ATP1A4: variants seen among roughly 807,000 people sequenced by gnomAD.
ATP1A4 encodes the protein sodium/potassium-transporting ATPase subunit alpha-4.
Under a neutral mutation model 114.3 loss-of-function variants are expected in ATP1A4, and 90 were observed. The ratio of observed to expected loss-of-function variants is 0.79; its 90% CI spans 0.66 to 0.94. ATP1A4 has a LOEUF of 0.94. Ranked by LOEUF, ATP1A4 falls within the 40% of genes least tolerant of loss-of-function variation. ATP1A4 has a pLI of 0.00. For synonymous variants in ATP1A4, 511 were observed against 494.1 expected (o/e 1.03, Z -0.45); for missense variants, 1,222 against 1,313.6 (o/e 0.93, Z 1.08).
intron 4 of ATP1A4, 80 bp from the exon 5 acceptor site, chr1:160,158,922 A>G: frequency 1.4e-6 from 2 of 1,478,916 alleles, no homozygotes; most frequent in South Asian, 2.6e-5. Flanking sequence ...GAGGGAGACC[A>G]ATAACAGAAG....
chr1:160,167,632 G>A (rs12063789), intron 10 of ATP1A4, among the ~76,000 whole-genome samples: 38,895 of 152,080 alleles, frequency 0.26, 5,271 homozygotes, highest in African/African-American at 0.34. Context: ...TCAGTCCTAT[G>A]CAGAGATCTG....
intron 18 of ATP1A4, 93 bp downstream of exon 18, chr1:160,177,757 G>C: frequency 2.1e-6 from 3 of 1,439,732 alleles, no homozygotes; most frequent in East Asian, 2.3e-5. Context: ...AGAGAAGAAG[G>C]GAAGCACCAC....
intron 6 of ATP1A4, among the ~76,000 whole-genome samples, chr1:160,161,488 C>T (rs1306350695): frequency 6.6e-6 from 1 of 152,178 alleles, no homozygotes; most frequent in Non-Finnish European, 1.5e-5. Flanking sequence ...AACCCAACCC[C>T]ATCTCTAGAC....
In ATP1A4 at chr1:160,186,350, T is replaced by C. The variant is rs1253063499; in HGVS notation, c.3044T>C (p.Ile1015Thr). 2 of 1,613,474 alleles carry C rather than the reference T, an allele frequency of 1.2e-6. No individual in the cohort carries two copies. The highest frequency in any genetic ancestry group is 1.3e-5 in the African/African-American group (1 of 75,020). Residue 1015 changes from isoleucine to threonine, a missense_variant, in exon 21 of 22, where the codon ATC becomes ACC. Physicochemically the swap from Ile to Thr is moderately conservative, Grantham distance 89. Transcript: ENST00000368081. ...FVYDEIRKLLIRQHPDGWVER... is the reference protein window; with the variant it reads ...FVYDEIRKLLTRQHPDGWVER... ...TATGATGAAATCAGAAAACTCCTCA[T>C]CCGTCAGCACCCGGATGGTGAGGCT... is the stretch of plus-strand genomic sequence containing the variant.
chr1:160,180,962 C>T (rs1469181186), intron 18 of ATP1A4, among the ~76,000 whole-genome samples: 3 of 152,014 alleles, frequency 2.0e-5, no homozygotes, highest in African/African-American at 4.8e-5. Flanking sequence ...GATCTGCCCA[C>T]CTCGGCCTCC....
At chr1:160,175,967 C>A in intron 15 of ATP1A4, 125 bp from the exon 16 acceptor site, 1 of 945,362 alleles carries the variant, frequency 1.1e-6, no homozygotes, top group Non-Finnish European at 1.7e-6. Context: ...CCCTGGAGGT[C>A]TAGGACCTCC....
chr1:160,181,655 A>C (rs1653709286), intron 18 of ATP1A4, 29 bp from the exon 19 acceptor site: 1 of 1,612,902 alleles, frequency 6.2e-7, no homozygotes, highest in African/African-American at 1.3e-5. Flanking sequence ...CCCTTCTGAC[A>C]CTGTTTCCTC....
At chr1:160,154,146 T>C (rs1315860767) in intron 2 of ATP1A4, among the ~76,000 whole-genome samples, 6 of 152,116 alleles carry the variant, frequency 3.9e-5, no homozygotes, top group African/African-American at 1.4e-4. Context: ...TTGAGGTCAG[T>C]AGTTGGAGAC....
At chr1:160,180,001 C>T (rs1265823949) in intron 18 of ATP1A4, among the ~76,000 whole-genome samples, 1 of 152,036 alleles carries the variant, frequency 6.6e-6, no homozygotes, top group Non-Finnish European at 1.5e-5. Flanking sequence ...GCAAGCAGCC[C>T]AGGTGGGGAG....
intron 7 of ATP1A4, 55 bp from the exon 8 acceptor site, chr1:160,166,473 A>G (rs1653038324): frequency 1.9e-6 from 3 of 1,593,414 alleles, no homozygotes; most frequent in African/African-American, 2.7e-5. Context: ...ACAATGCAAA[A>G]TGGTGTGAGT....
Position 160,166,619 on chromosome 1 carries a change from C to T in ATP1A4, c.1139C>T (p.Thr380Ile). Reference sequence around the variant, plus strand: ...GTGGAGACGCTGGGCTCCACGTCCACCATCTGCTCAGACAAGACGGGCACC... The same window carrying T: ...GTGGAGACGCTGGGCTCCACGTCCATCATCTGCTCAGACAAGACGGGCACC... The part of the protein sequence containing the change: ...EAVETLGSTS[T>I]ICSDKTGTLT... Residue 380 changes from threonine to isoleucine, a missense_variant, in exon 8 of 22, where the codon ACC becomes ATC. Transcript: ENST00000368081. 6.2e-7 allele frequency: 1 copy of T among 1,614,226 alleles called. No homozygotes were observed.
intron 18 of ATP1A4, among the ~76,000 whole-genome samples, chr1:160,179,750 C>A (rs1044938889): frequency 1.3e-5 from 2 of 152,160 alleles, no homozygotes; most frequent in African/African-American, 4.8e-5. Context: ...GAACAAAAAT[C>A]ATCAAGTTAT....
chr1:160,166,228 C>T (rs1157973686), intron 7 of ATP1A4, among the ~76,000 whole-genome samples: 1 of 152,218 alleles, frequency 6.6e-6, no homozygotes, highest in African/African-American at 2.4e-5. Context: ...CAAGATCATA[C>T]TCTGCACTCC....
intron 20 of ATP1A4, among the ~76,000 whole-genome samples, chr1:160,185,082 C>T (rs1653831575): frequency 6.6e-6 from 1 of 150,852 alleles, no homozygotes; most frequent in Non-Finnish European, 1.5e-5. Context: ...TCTAATATGA[C>T]ATTTATCATA....
rs917529341 is a variant in ATP1A4 at position 160,186,044 on chromosome 1, G to A, written c.2970-232G>A. 6.2e-5 allele frequency among the ~76,000 whole-genome samples: 8 copies of A among 129,466 alleles called. 1 individual carries two copies. Among genetic ancestry groups the A allele is most frequent in the Non-Finnish European group, 1.2e-4 (8 of 64,528 alleles). The allele number at this position is 129,466 out of a possible 152,430, so 84.9% of individuals were successfully genotyped here. On this transcript the variant is annotated intron_variant, in intron 20 of 21. Transcript: ENST00000368081. ...CGGGAGGCAGAGGTTGCAGTGAGCC[G>A]AGATTGCACTCCAGCCTGGGCAACA...
chr1:160,181,609 G>T, intron 18 of ATP1A4, 75 bp from the exon 19 acceptor site: 5 of 1,539,924 alleles, frequency 3.2e-6, no homozygotes, highest in Non-Finnish European at 4.4e-6. Flanking sequence ...GTCCTGGAAG[G>T]TGGGAGAGGA....
intron 6 of ATP1A4, among the ~76,000 whole-genome samples, chr1:160,160,437 G>A (rs1652830414): frequency 1.3e-5 from 2 of 152,044 alleles, no homozygotes; most frequent in Non-Finnish European, 1.5e-5. Flanking sequence ...GGCTGGTCTC[G>A]AACTACTGAC....
Position 160,186,322 on chromosome 1 carries a change from G to A in ATP1A4, c.3016G>A (p.Val1006Ile), listed in dbSNP as rs373326298. 2.2e-5 allele frequency: 35 copies of A among 1,613,538 alleles called. No homozygotes were observed. Among genetic ancestry groups the A allele is most frequent in the South Asian group, 4.4e-5 (4 of 91,064 alleles). ...CAIPYSILIFVYDEIRKLLIR... is the reference protein window; with the variant it reads ...CAIPYSILIFIYDEIRKLLIR... ...CATTCCCTACAGTATTCTCATCTTC[G>A]TCTATGATGAAATCAGAAAACTCCT... is the stretch of plus-strand genomic sequence containing the variant. The change falls in exon 21 of 22, where the codon GTC becomes ATC. Residue 1006 changes from valine to isoleucine, a missense_variant. By Grantham distance (29) the Val-to-Ile change is conservative. Transcript: ENST00000368081.
intron 8 of ATP1A4, 65 bp downstream of exon 8, chr1:160,166,791 G>C (rs1653056665): frequency 1.3e-6 from 2 of 1,599,478 alleles, no homozygotes; most frequent in African/African-American, 1.3e-5. Flanking sequence ...TGAGCTGAGA[G>C]AGAATGGTGA....
Sources: gnomAD v4.1 joint callset for allele counts (sites outside exome capture counted in the v4.1 genomes callset) on GRCh38, gnomAD v4.1.1 for gene constraint, MANE v1.5 for transcripts, NCBI Gene and HGNC (gene_info 2026-07-23, HGNC 2026-07-21) for gene names.